PTPRQ: variants seen among roughly 807,000 people sequenced by gnomAD.
PTPRQ encodes the protein protein tyrosine phosphatase receptor type Q.
In PTPRQ, 199 loss-of-function variants were observed where a neutral mutation model predicts 246.0. That is an observed-to-expected ratio of 0.81 (90% CI 0.72 to 0.91). PTPRQ has a LOEUF of 0.91. Among genes scored for constraint, PTPRQ ranks in the 40% least tolerant of loss-of-function variants. The pLI is 0.00. For missense variants in PTPRQ, 2,624 were observed against 2,528.4 expected (o/e 1.04, Z -0.81); for synonymous variants, 869 against 853.2 (o/e 1.02, Z -0.32).
intron 14 of PTPRQ, among the ~76,000 whole-genome samples, chr12:80,496,858 ACATACT>A (rs1378140628): frequency 2.0e-5 from 3 of 152,036 alleles, no homozygotes; most frequent in South Asian, 4.1e-4. Flanking sequence ...TAAAACTGAG[ACATACT>A]CATAGGAATA....
intron 35 of PTPRQ, among the ~76,000 whole-genome samples, chr12:80,646,179 A>G (rs911973283): frequency 6.6e-6 from 1 of 152,184 alleles, no homozygotes; most frequent in African/African-American, 2.4e-5. Flanking sequence ...TAGCAATAGT[A>G]ATTATCATAC....
chr12:80,562,164 A>T (rs1896847271), intron 25 of PTPRQ, among the ~76,000 whole-genome samples: 1 of 152,120 alleles, frequency 6.6e-6, no homozygotes, highest in Non-Finnish European at 1.5e-5. Context: ...GCATTGATGT[A>T]TGTGTATATA....
intron 23 of PTPRQ, among the ~76,000 whole-genome samples, chr12:80,546,055 C>A (rs903387510): frequency 6.6e-6 from 1 of 152,070 alleles, no homozygotes; most frequent in African/African-American, 2.4e-5. Flanking sequence ...CAGTGGCTCA[C>A]GCCTGTAATC....
chr12:80,506,488 C>G (rs1316871309), intron 15 of PTPRQ, 81 bp from the exon 16 acceptor site: 1 of 1,118,534 alleles, frequency 8.9e-7, no homozygotes, highest in Non-Finnish European at 1.3e-6. Context: ...ATTGTGTTGA[C>G]AGCCATTTCA....
chr12:80,538,987 G>T (rs1189359214), intron 19 of PTPRQ, among the ~76,000 whole-genome samples: 2 of 152,172 alleles, frequency 1.3e-5, no homozygotes, highest in East Asian at 3.9e-4. Context: ...AATGATTCAG[G>T]TTACTCTGCA....
At chr12:80,463,680 C>T (rs7486750) in intron 6 of PTPRQ, among the ~76,000 whole-genome samples, 147,300 of 151,698 alleles carry the variant, frequency 0.97, 71,666 homozygotes, top group African/African-American at 1. Context: ...CGGCAGAAAC[C>T]CTAGAAGCCA....
At chr12:80,670,288 C>A in intron 41 of PTPRQ, 56 bp from the exon 42 acceptor site, 2 of 1,537,444 alleles carry the variant, frequency 1.3e-6, no homozygotes, top group Non-Finnish European at 1.8e-6. Flanking sequence ...TTGCCTTCAA[C>A]CTTCATTGTG....
At chr12:80,629,053 G>A (rs1184871302) in intron 33 of PTPRQ, among the ~76,000 whole-genome samples, 3 of 151,748 alleles carry the variant, frequency 2.0e-5, no homozygotes, top group Admixed American at 1.3e-4. Flanking sequence ...GCTTACAGAT[G>A]GTTGCCTTCT....
intron 6 of PTPRQ, 36 bp from the exon 7 acceptor site, chr12:80,468,672 AAT>A (rs1361249996): frequency 8.4e-5 from 124 of 1,472,938 alleles, no homozygotes; most frequent in Middle Eastern, 6.8e-4. Flanking sequence ...TTTCATTTTA[AAT>A]ATATGTTATG....
intron 17 of PTPRQ, among the ~76,000 whole-genome samples, chr12:80,511,942 A>G (rs1565755251): frequency 6.6e-6 from 1 of 152,244 alleles, no homozygotes; most frequent in African/African-American, 2.4e-5. Flanking sequence ...CTTATAAAGA[A>G]TGAATTGTCA....
intron 17 of PTPRQ, among the ~76,000 whole-genome samples, chr12:80,515,796 A>G (rs1165762273): frequency 8.5e-5 from 10 of 117,842 alleles, no homozygotes; most frequent in Non-Finnish European, 1.6e-4. Context: ...TATGACATTT[A>G]TTATATTGGG....
chr12:80,587,996 G>C, intron 25 of PTPRQ, 133 bp from the exon 26 acceptor site: 1 of 919,928 alleles, frequency 1.1e-6, no homozygotes, highest in East Asian at 2.8e-5. Flanking sequence ...TAAGTGTGGG[G>C]ATAATTAATC....
chr12:80,474,249 G>A (rs920881126), intron 8 of PTPRQ, among the ~76,000 whole-genome samples: 1 of 151,676 alleles, frequency 6.6e-6, no homozygotes, highest in African/African-American at 2.4e-5. Flanking sequence ...AATACAACAG[G>A]GTTTTTAGTA....
intron 17 of PTPRQ, among the ~76,000 whole-genome samples, chr12:80,523,968 A>T (rs1365352391): frequency 6.6e-6 from 1 of 152,130 alleles, no homozygotes; most frequent in Non-Finnish European, 1.5e-5. Context: ...AGGGGGTGTT[A>T]AAGTCTCCCA....
At chr12:80,614,545 A>G (rs1898677459) in intron 29 of PTPRQ, among the ~76,000 whole-genome samples, 1 of 150,968 alleles carries the variant, frequency 6.6e-6, no homozygotes, top group Admixed American at 6.6e-5. Context: ...AATAATTTGT[A>G]TATGTATATG....
chr12:80,637,832 G>A (rs984640690), intron 35 of PTPRQ, among the ~76,000 whole-genome samples: 18 of 152,128 alleles, frequency 1.2e-4, no homozygotes, highest in Admixed American at 5.2e-4. Flanking sequence ...ATCTAAATCC[G>A]TTCAAAGTCA....
intron 9 of PTPRQ, among the ~76,000 whole-genome samples, chr12:80,490,569 G>C (rs1322493481): frequency 1.3e-5 from 2 of 151,918 alleles, no homozygotes; most frequent in East Asian, 1.9e-4. Context: ...TGCTCTCCAA[G>C]AAACATGTGT....
chr12:80,599,957 C>G lies in PTPRQ; in HGVS notation c.4610-5102C>G, dbSNP rs1444009944. 1.1e-4 allele frequency among the ~76,000 whole-genome samples: 17 copies of G among 151,616 alleles called. 1 individual carries two copies. Among genetic ancestry groups the G allele is most frequent in the Non-Finnish European group, 1.5e-4 (10 of 67,836 alleles). The stretch of plus-strand genomic sequence containing the variant: ...AGAATACAAGTTGACAAAATACATT[C>G]TGAAGGAAATTTTTGGCAAAGGATT... On this transcript the variant is annotated intron_variant, in intron 26 of 44. Transcript: ENST00000644991.
intron 3 of PTPRQ, among the ~76,000 whole-genome samples, chr12:80,448,609 G>A (rs1892632906): frequency 6.6e-6 from 1 of 150,416 alleles, no homozygotes; most frequent in African/African-American, 2.5e-5. Flanking sequence ...CCACCTATGA[G>A]TGAGAATATG....
Sources: gnomAD v4.1 joint callset for allele counts (sites outside exome capture counted in the v4.1 genomes callset) on GRCh38, gnomAD v4.1.1 for gene constraint, MANE v1.5 for transcripts, NCBI Gene and HGNC (gene_info 2026-07-23, HGNC 2026-07-21) for gene names.